Variants in TRIM2 observed in about 807,000 individuals in gnomAD.
TRIM2 encodes tripartite motif-containing protein 2.
TRIM2 carries 20 observed loss-of-function variants against 75.2 expected under a neutral mutation model. The ratio of observed to expected loss-of-function variants is 0.27; its 90% confidence interval spans 0.19 to 0.39. The LOEUF is 0.39. Among genes scored for constraint, TRIM2 ranks in the 10% least tolerant of loss-of-function variants. The pLI is 1.00. For missense variants in TRIM2, 660 were observed against 990.8 expected (o/e 0.67, Z 4.48); for synonymous variants, 373 against 388.3 (o/e 0.96, Z 0.46).
chr4:153,269,109 A>G (rs1579181079), intron 1 of TRIM2, among the ~76,000 whole-genome samples: 1 of 152,198 alleles, frequency 6.6e-6, no homozygotes, highest in African/African-American at 2.4e-5. Context: ...CCTAGGGTCT[A>G]TAAATTAAAG....
rs541504873 is a variant in TRIM2 at position 153,246,400 on chromosome 4, C to A, written c.31-23935C>A. Among the ~76,000 whole-genome samples the A allele has an allele frequency of 2.9e-4, 44 of 152,308 alleles. No homozygotes were observed. In the South Asian group the frequency reaches 5.6e-3, roughly 19 times the overall value. The stretch of plus-strand genomic sequence containing the variant: ...GCCTGGATTCTTATCCACCACAGAA[C>A]ACCAACATGCCTGTATTTCCTAGGT... On this transcript the variant is annotated intron_variant, in intron 1 of 11. Transcript: ENST00000338700.
intron 6 of TRIM2, among the ~76,000 whole-genome samples, chr4:153,310,530 C>T (rs1303291887): frequency 6.6e-6 from 1 of 152,202 alleles, no homozygotes; most frequent in African/African-American, 2.4e-5. Context: ...TCTAGTTTAA[C>T]TGTTGGTGAA....
At chr4:153,223,024 G>A (rs1167365567) in intron 1 of TRIM2, 1 of 152,290 alleles carries the variant, frequency 6.6e-6, no homozygotes, top group Non-Finnish European at 1.5e-5. Flanking sequence ...CCCGCGAAGC[G>A]AGTCGCCGTC....
intron 1 of TRIM2, among the ~76,000 whole-genome samples, chr4:153,205,365 A>G (rs904270659): frequency 3.3e-5 from 5 of 152,188 alleles, no homozygotes; most frequent in South Asian, 2.1e-4. Context: ...TGGCTGGCCC[A>G]TTCGGTGCTC....
intron 1 of TRIM2, among the ~76,000 whole-genome samples, chr4:153,228,873 T>G (rs1298234602): frequency 6.6e-6 from 1 of 152,124 alleles, no homozygotes; most frequent in African/African-American, 2.4e-5. Flanking sequence ...TTGAGTATCC[T>G]TCATCCTTTT....
At chr4:153,251,013 G>A (rs1750737592) in intron 1 of TRIM2, among the ~76,000 whole-genome samples, 1 of 152,206 alleles carries the variant, frequency 6.6e-6, no homozygotes, top group Admixed American at 6.5e-5. Context: ...CTTCTGGTGT[G>A]AATTCTTGGG....
At chr4:153,243,613 G>A (rs2149855896) in intron 1 of TRIM2, among the ~76,000 whole-genome samples, 1 of 152,318 alleles carries the variant, frequency 6.6e-6, no homozygotes, top group East Asian at 1.9e-4. Context: ...AACTATTAAG[G>A]ATGGAGACAT....
intron 6 of TRIM2, among the ~76,000 whole-genome samples, chr4:153,312,627 A>G (rs889769442): frequency 6.6e-6 from 1 of 152,120 alleles, no homozygotes; most frequent in African/African-American, 2.4e-5. Context: ...AACTAGTTCA[A>G]CCCTTGTGGA....
chr4:153,157,567 G>T (rs1358101671), intron 1 of TRIM2, among the ~76,000 whole-genome samples: 1 of 152,158 alleles, frequency 6.6e-6, no homozygotes, highest in Non-Finnish European at 1.5e-5. Flanking sequence ...AAAACCATAG[G>T]CTCGGGCTGA....
At chr4:153,203,103 C>CAAAAAAA (rs200371158), upstream of TRIM2, among the ~76,000 whole-genome samples, 1 of 87,324 alleles carries the variant, frequency 1.1e-5, no homozygotes, top group African/African-American at 3.2e-5. Flanking sequence ...GACTCCATCT[C>CAAAAAAA]AAAAAAAAAA....
chr4:153,274,734 A>G (rs1757639335), intron 2 of TRIM2, among the ~76,000 whole-genome samples: 1 of 152,224 alleles, frequency 6.6e-6, no homozygotes, highest in Non-Finnish European at 1.5e-5. Context: ...TCATAAAGTC[A>G]AGGGAAGAGA....
chr4:153,155,662 A>G (rs1406476394), intron 1 of TRIM2, among the ~76,000 whole-genome samples: 2 of 152,196 alleles, frequency 1.3e-5, no homozygotes, highest in Non-Finnish European at 2.9e-5. Flanking sequence ...ACAATTTATC[A>G]TCTGCCGTTC....
chr4:153,309,974 G>A (rs1281661910), intron 6 of TRIM2: 5 of 152,036 alleles, frequency 3.3e-5, no homozygotes. Flanking sequence ...GAGGAAATCT[G>A]CATTTATTGA....
At chr4:153,278,735 C>G (rs72729616) in intron 3 of TRIM2, among the ~76,000 whole-genome samples, 13,023 of 150,564 alleles carry the variant, frequency 0.086, 725 homozygotes, top group Middle Eastern at 0.14. Context: ...GACATTGAGG[C>G]TTCAGTGAGC....
At chr4:153,292,465 A>G (rs898134765) in intron 3 of TRIM2, among the ~76,000 whole-genome samples, 1 of 152,176 alleles carries the variant, frequency 6.6e-6, no homozygotes, top group East Asian at 1.9e-4. Context: ...CTAATTTTAA[A>G]ATTTTTTGTA....
In TRIM2 at chr4:153,248,226, G is replaced by T. The variant is rs1749847570; in HGVS notation, c.31-22109G>T. ...GGCCAGGCTAGTCTTGAACTCCTGA[G>T]CTCAGGTGATCCACCTGTCTCAGCC... On this transcript the variant is annotated intron_variant, in intron 1 of 11. Coordinates refer to ENST00000338700, the MANE Select transcript of TRIM2 (RefSeq NM_015271.5). This position sits in a 1 kb window ranked among gnomAD's most constrained non-coding sequence, Gnocchi z 4.0. 6.6e-6 allele frequency among the ~76,000 whole-genome samples: 1 copy of T among 152,072 alleles called. No individual in the cohort carries two copies.
intron 1 of TRIM2, among the ~76,000 whole-genome samples, chr4:153,255,851 C>T (rs532511650): frequency 6.6e-6 from 1 of 152,312 alleles, no homozygotes; most frequent in East Asian, 1.9e-4. Context: ...GCAAGACACA[C>T]AAGACCACAT....
At chr4:153,199,921 G>A (rs1734152185), upstream of TRIM2, among the ~76,000 whole-genome samples, 2 of 149,172 alleles carry the variant, frequency 1.3e-5, no homozygotes, top group African/African-American at 5.0e-5. Flanking sequence ...CTACAGGCAG[G>A]CACCACCATG....
chr4:153,262,493 A>G (rs975240523), intron 1 of TRIM2, among the ~76,000 whole-genome samples: 4 of 152,184 alleles, frequency 2.6e-5, no homozygotes, highest in Admixed American at 2.6e-4. Flanking sequence ...TTGAACACCA[A>G]TCTTAGGTTT....
Sources: gnomAD v4.1 joint callset for allele counts (sites outside exome capture counted in the v4.1 genomes callset) on GRCh38, gnomAD v4.1.1 for gene constraint, Gnocchi (gnomAD v3.1) non-coding constraint, MANE v1.5 for transcripts, NCBI Gene and HGNC (gene_info 2026-07-23, HGNC 2026-07-21) for gene names.